Variants in BCKDHB observed in about 807,000 individuals in gnomAD.
The protein encoded by BCKDHB is branched chain keto acid dehydrogenase E1 subunit beta.
A neutral mutation model predicts 48.5 loss-of-function variants in BCKDHB; 41 were observed. The observed-to-expected ratio is 0.85, with a 90% CI of 0.66 to 1.10. The LOEUF is 1.10. Among genes scored for constraint, BCKDHB ranks in the 50% least tolerant of loss-of-function variants. BCKDHB has a pLI of 0.00. For missense variants in BCKDHB, 496 were observed against 494.2 expected (o/e 1.00, Z -0.03); for synonymous variants, 201 against 174.8 (o/e 1.15, Z -1.18).
downstream of BCKDHB, among the ~76,000 whole-genome samples, chr6:80,349,514 AAG>A (rs1389131470): frequency 1.9e-4 from 29 of 152,308 alleles, no homozygotes; most frequent in African/African-American, 6.7e-4. Flanking sequence ...ATTAATAAGA[AAG>A]AACTTAGATT....
chr6:80,225,020 A>G (rs979767106), intron 8 of BCKDHB, among the ~76,000 whole-genome samples: 1 of 152,112 alleles, frequency 6.6e-6, no homozygotes, highest in Admixed American at 6.5e-5. Flanking sequence ...ACTTCCACCT[A>G]TTGATTCTTA....
chr6:80,462,672 A>C, the BCKDHB span, among the ~76,000 whole-genome samples: 1 of 152,178 alleles, frequency 6.6e-6, no homozygotes, highest in Non-Finnish European at 1.5e-5. Context: ...TGGCCCCCAT[A>C]ATCTCTGAAG....
the BCKDHB span, among the ~76,000 whole-genome samples, chr6:80,463,762 T>A: frequency 8.3e-4 from 126 of 152,262 alleles, no homozygotes; most frequent in African/African-American, 3.0e-3. Context: ...GAACACATAT[T>A]GTCTCATTTA....
intron 8 of BCKDHB, among the ~76,000 whole-genome samples, chr6:80,218,653 A>G (rs1428765761): frequency 3.9e-5 from 6 of 151,916 alleles, no homozygotes; most frequent in South Asian, 2.1e-4. Context: ...TTTAATTTCT[A>G]TATCTTACTC....
At chr6:80,134,179 G>A (rs961529075) in intron 3 of BCKDHB, among the ~76,000 whole-genome samples, 2 of 152,130 alleles carry the variant, frequency 1.3e-5, no homozygotes, top group African/African-American at 4.8e-5. Context: ...CTTATTGGAG[G>A]AAATTTAGGT....
intron 6 of BCKDHB, among the ~76,000 whole-genome samples, chr6:80,192,599 T>TA (rs1773948427): frequency 6.6e-6 from 1 of 152,108 alleles, no homozygotes; most frequent in African/African-American, 2.4e-5. Flanking sequence ...ACCCTAAGGG[T>TA]AATTGCAAAG....
chr6:80,427,252 G>GT, the BCKDHB span, among the ~76,000 whole-genome samples: 1 of 151,722 alleles, frequency 6.6e-6, no homozygotes, highest in Admixed American at 6.6e-5. Flanking sequence ...TTTGTTTTTT[G>GT]TTTTTTAATG....
chr6:80,111,744 T>C (rs527513480), intron 1 of BCKDHB, among the ~76,000 whole-genome samples: 1 of 152,330 alleles, frequency 6.6e-6, no homozygotes, highest in East Asian at 1.9e-4. Flanking sequence ...TATGGTTTTA[T>C]ATATATGCAT....
intron 6 of BCKDHB, among the ~76,000 whole-genome samples, chr6:80,188,686 G>A (rs978999419): frequency 2.0e-5 from 3 of 151,904 alleles, no homozygotes; most frequent in African/African-American, 7.3e-5. Context: ...ACTACCAATC[G>A]CTTACTATGC....
At chr6:80,173,382 A>T (rs1773006765) in intron 6 of BCKDHB, among the ~76,000 whole-genome samples, 1 of 152,164 alleles carries the variant, frequency 6.6e-6, no homozygotes, top group African/African-American at 2.4e-5. Flanking sequence ...TTTCATAGCT[A>T]GAAAGCTTCT....
intron 8 of BCKDHB, among the ~76,000 whole-genome samples, chr6:80,228,100 G>T (rs1775758531): frequency 6.6e-6 from 1 of 152,132 alleles, no homozygotes; most frequent in Non-Finnish European, 1.5e-5. Context: ...AATAGTAGAG[G>T]AATAAATTTA....
At chr6:80,369,986 A>G in the BCKDHB span, among the ~76,000 whole-genome samples, 1 of 152,238 alleles carries the variant, frequency 6.6e-6, no homozygotes, top group Non-Finnish European at 1.5e-5. Flanking sequence ...TGTTTTAAAC[A>G]TCATTTACAC....
chr6:80,216,879 A>G (rs1037436303), intron 8 of BCKDHB, among the ~76,000 whole-genome samples: 1 of 152,208 alleles, frequency 6.6e-6, no homozygotes, highest in Admixed American at 6.5e-5. Context: ...CTGAGCAGTG[A>G]TAATTTAACT....
intron 8 of BCKDHB, among the ~76,000 whole-genome samples, chr6:80,230,071 C>G (rs1775854802): frequency 9.5e-6 from 1 of 105,754 alleles, no homozygotes; most frequent in Non-Finnish European, 1.7e-5. Context: ...CGGAGTCTCA[C>G]TCTTTCGCCC....
At chr6:80,127,740 A>ATTT in intron 2 of BCKDHB, 116 bp downstream of exon 2, 1 of 976,168 alleles carries the variant, frequency 1.0e-6, no homozygotes, top group Non-Finnish European at 1.7e-6. Flanking sequence ...GACATTTTCA[A>ATTT]AGGTATGATT....
the BCKDHB span, among the ~76,000 whole-genome samples, chr6:80,359,429 G>C: frequency 6.6e-6 from 1 of 152,058 alleles, no homozygotes; most frequent in African/African-American, 2.4e-5. Context: ...TTTCTTCCTT[G>C]GAAACTCATT....
At chr6:80,114,041 C>T (rs986782231) in intron 1 of BCKDHB, among the ~76,000 whole-genome samples, 8 of 152,084 alleles carry the variant, frequency 5.3e-5, no homozygotes, top group Non-Finnish European at 7.4e-5. Flanking sequence ...TCATCTGCCA[C>T]GCAGAAAAGG....
intron 6 of BCKDHB, among the ~76,000 whole-genome samples, chr6:80,193,617 G>A (rs191130086): frequency 6.9e-4 from 105 of 152,080 alleles, no homozygotes; most frequent in Non-Finnish European, 1.2e-3. Flanking sequence ...CTACTCAGGA[G>A]GCTGAGACAG....
At chr6:80,175,066 T>A (rs1052618635) in intron 6 of BCKDHB, among the ~76,000 whole-genome samples, 1 of 152,180 alleles carries the variant, frequency 6.6e-6, no homozygotes, top group Non-Finnish European at 1.5e-5. Flanking sequence ...AGGGCTAGTG[T>A]GATAGTTCCT....
Sources: allele counts gnomAD v4.1 joint callset (sites outside exome capture counted in the v4.1 genomes callset), GRCh38; gene constraint gnomAD v4.1.1; transcripts MANE v1.5; gene names NCBI Gene and HGNC (gene_info 2026-07-23, HGNC 2026-07-21).